CD109: variants seen among roughly 807,000 people sequenced by gnomAD.
CD109 encodes CD109 molecule.
In CD109, 149 loss-of-function variants were observed where a neutral mutation model predicts 165.8. The observed-to-expected ratio is 0.90, with a 90% CI of 0.79 to 1.03. CD109 has a LOEUF of 1.03. Ranked by LOEUF, CD109 falls within the 50% of genes least tolerant of loss-of-function variation. The pLI, the probability that CD109 is intolerant of heterozygous loss-of-function variation, is 0.00. For missense variants in CD109, 1,712 were observed against 1,677.8 expected, an observed-to-expected ratio of 1.02 and a Z score of -0.36; for synonymous variants, 585 against 592.1, an observed-to-expected ratio of 0.99 and a Z score of 0.18.
intron 2 of CD109, among the ~76,000 whole-genome samples, chr6:73,716,587 G>A (rs1303479357): frequency 6.6e-6 from 1 of 152,148 alleles, no homozygotes; most frequent in Non-Finnish European, 1.5e-5. Flanking sequence ...CTTCTTTCGA[G>A]AAATGTCTAT....
At chr6:73,740,465 G>A (rs1045882344) in intron 5 of CD109, among the ~76,000 whole-genome samples, 6 of 152,090 alleles carry the variant, frequency 3.9e-5, no homozygotes, top group South Asian at 2.1e-4. Context: ...TTATGATACC[G>A]TGTTAACCTT....
chr6:73,780,334 A>G, intron 15 of CD109, 90 bp from the exon 16 acceptor site: 4 of 812,582 alleles, frequency 4.9e-6, no homozygotes, highest in Non-Finnish European at 8.6e-6. Flanking sequence ...GTTGATAAAC[A>G]TGAAGGCTAA....
intron 4 of CD109, among the ~76,000 whole-genome samples, chr6:73,734,596 G>A (rs949455726): frequency 3.3e-5 from 5 of 152,234 alleles, no homozygotes; most frequent in African/African-American, 1.2e-4. Flanking sequence ...TGGCCCAGGA[G>A]TTTACCAAGG....
At position 73,762,467 on chromosome 6, in the gene CD109, C is replaced by T. The variant is rs774012615; in HGVS notation, c.842C>T (p.Thr281Ile). 6 of 1,599,552 alleles carry T rather than the reference C, an allele frequency of 3.8e-6. No homozygotes were observed. The highest frequency in any genetic ancestry group is 4.3e-6 in the Non-Finnish European group (5 of 1,167,642). ...TTTTGGGGAAAGAAGAAAAATATTA[C>T]AAAAACATTTAAGGTAACTTTTGCA... The part of the protein sequence containing the change: ...LSFWGKKKNI[T>I]KTFKINGSAN... The change falls in exon 8 of 33, where the codon ACA (threonine) becomes ATA (isoleucine). Residue 281 changes from threonine to isoleucine, a missense_variant. Physicochemically the swap from Thr to Ile is moderately conservative, Grantham distance 89 (BLOSUM62 -1). Coordinates refer to ENST00000287097, the MANE Select transcript of CD109 (RefSeq NM_133493.5).
chr6:73,801,422 A>G (rs1311676657), intron 23 of CD109, among the ~76,000 whole-genome samples: 1 of 152,264 alleles, frequency 6.6e-6, no homozygotes, highest in Non-Finnish European at 1.5e-5. Flanking sequence ...AATTAGAAAC[A>G]TAAAGGTATA....
Position 73,735,403 on chromosome 6 carries a change from T to C in CD109, c.508-980T>C, listed in dbSNP as rs1298494977. Among the ~76,000 whole-genome samples, 6 of 152,276 alleles carry C rather than the reference T, an allele frequency of 3.9e-5. No individual in the cohort carries two copies. The South Asian group carries it at 6.2e-4, about 16-fold the overall frequency. On this transcript the variant is annotated intron_variant, in intron 4 of 32. Transcript: ENST00000287097. Reference sequence around the variant, plus strand: ...ACTGTTGGCAGTGGGGAAGATGTATTGTAGAGGGCAAGACTAGAGGGGGAA... The same window carrying C: ...ACTGTTGGCAGTGGGGAAGATGTATCGTAGAGGGCAAGACTAGAGGGGGAA...
chr6:73,802,416 C>T (rs1775401191), intron 23 of CD109, among the ~76,000 whole-genome samples: 1 of 148,474 alleles, frequency 6.7e-6, no homozygotes, highest in Admixed American at 6.7e-5. Context: ...TAAGAGCCAC[C>T]GTTTTAGATT....
In CD109 at chr6:73,791,160, T is replaced by TACAC. The variant is rs1275595339; in HGVS notation, c.2702-1465_2702-1464insCACA. Among the ~76,000 whole-genome samples, 29 of 33,408 alleles carry TACAC rather than the reference T, an allele frequency of 8.7e-4. 1 individual carries two copies. The highest frequency in any genetic ancestry group is 3.5e-3 in the African/African-American group (29 of 8,246). The allele number at this position is 33,408 out of a possible 152,430, so 21.9% of individuals were successfully genotyped here. ...ACATATATATATATATATATATATA[T>TACAC]ATATATATATATATATACACACACA... is the stretch of plus-strand genomic sequence containing the variant. On this transcript the variant is annotated intron_variant, in intron 22 of 32. Transcript: ENST00000287097.
In CD109 at chr6:73,717,841, G is replaced by A. The variant is rs546059864; in HGVS notation, c.248-5410G>A. ...TCACCGTGTTAACCAGGACGGTCTC[G>A]ATCTCCTGACCTCGTGATCCGCCCA... On this transcript the variant is annotated intron_variant, in intron 2 of 32. Coordinates refer to ENST00000287097, the MANE Select transcript of CD109 (RefSeq NM_133493.5). 1.5e-4 allele frequency among the ~76,000 whole-genome samples: 23 copies of A among 151,534 alleles called. 1 individual carries two copies. The South Asian group carries it at 4.4e-3, about 29-fold the overall frequency.
intron 6 of CD109, 137 bp downstream of exon 6, chr6:73,756,819 A>C: frequency 1.9e-6 from 1 of 526,912 alleles, no homozygotes; most frequent in Non-Finnish European, 3.2e-6. Context: ...TTAAAGGCCT[A>C]ACCATATTTT....
chr6:73,763,995 A>T (rs1347576146), intron 10 of CD109, among the ~76,000 whole-genome samples: 1 of 152,214 alleles, frequency 6.6e-6, no homozygotes, highest in Non-Finnish European at 1.5e-5. Context: ...TGGTAGTCAA[A>T]AATTTCAATT....
chr6:73,791,186 C>CAT lies in CD109; in HGVS notation c.2702-1439_2702-1438insTA, dbSNP rs1236914922. Among the ~76,000 whole-genome samples, 131 of 18,382 alleles carry CAT rather than the reference C, an allele frequency of 7.1e-3. 8 individuals carry two copies. Among genetic ancestry groups the CAT allele is most frequent in the East Asian group, 0.01 (5 of 480 alleles). 12.1% of individuals were successfully genotyped at this position (18,382 alleles called of 152,430 possible). A position where few individuals can be genotyped will look rare whatever the true frequency, so the allele number is the denominator to read the frequency against. ...ATATATATATATATATACACACACA[C>CAT]ACATACATATATATATATATATATA... On this transcript the variant is annotated intron_variant, in intron 22 of 32. Coordinates refer to ENST00000287097, the MANE Select transcript of CD109 (RefSeq NM_133493.5).
chr6:73,765,092 A>G (rs1773785778), intron 10 of CD109, among the ~76,000 whole-genome samples: 1 of 152,100 alleles, frequency 6.6e-6, no homozygotes, highest in Non-Finnish European at 1.5e-5. Flanking sequence ...TGTTTTTTAA[A>G]AGATTAGTTG....
rs1776314553 is a variant in CD109, at chr6:73,827,540, A to G, written c.*3907A>G. On this transcript the variant is annotated 3_prime_UTR_variant, in exon 33 of 33. Coordinates refer to ENST00000287097, the MANE Select transcript of CD109 (RefSeq NM_133493.5). Reference sequence around the variant, plus strand: ...AATTTGAGGTGCAATTATTTTTATTACTACTTTGAATAGAGGACCATTATC... The same window carrying G: ...AATTTGAGGTGCAATTATTTTTATTGCTACTTTGAATAGAGGACCATTATC... 1.3e-5 allele frequency: 2 copies of G among 152,128 alleles called. No individual in the cohort carries two copies. Among genetic ancestry groups the G allele is most frequent in the African/African-American group, 4.8e-5 (2 of 41,428 alleles). The allele number at this position is 152,128 out of a possible 1,614,324, so 9.4% of individuals were successfully genotyped here.
intron 30 of CD109, 134 bp from the exon 31 acceptor site, chr6:73,818,254 A>G: frequency 6.0e-6 from 5 of 837,958 alleles, no homozygotes; most frequent in Admixed American, 2.8e-5. Context: ...AAAATTCTCT[A>G]TAGGGAATTT....
chr6:73,780,305 A>T, intron 15 of CD109, 119 bp from the exon 16 acceptor site: 1 of 745,208 alleles, frequency 1.3e-6, no homozygotes, highest in South Asian at 1.5e-5. Context: ...ATTACTCCTC[A>T]ATTTGTGTCA....
intron 23 of CD109, among the ~76,000 whole-genome samples, chr6:73,801,980 T>C (rs897018970): frequency 1.3e-5 from 2 of 152,194 alleles, no homozygotes; most frequent in African/African-American, 4.8e-5. Context: ...TAGTGATAAG[T>C]TATTGCTATC....
chr6:73,698,127 A>G (rs935230571), intron 2 of CD109, among the ~76,000 whole-genome samples: 2 of 152,252 alleles, frequency 1.3e-5, no homozygotes, highest in Admixed American at 6.5e-5. Flanking sequence ...AACAAGAGAA[A>G]AAAAGAAAAT....
chr6:73,697,404 C>G lies in CD109; in HGVS notation c.79C>G (p.Arg27Gly). Reference sequence around the variant, plus strand: ...CCCTTGTTGGGAACTCTTTAGGCCTCGGTTTCTGGTGACAGCCCCAGGGAT... The same window carrying G: ...CCCTTGTTGGGAACTCTTTAGGCCTGGGTTTCTGGTGACAGCCCCAGGGAT... ...TAALAVAPGP[R>G]FLVTAPGIIR... Residue 27 changes from arginine to glycine, a missense_variant, in exon 2 of 33, where the codon CGG becomes GGG. Physicochemically the swap from Arg to Gly is moderately radical, Grantham distance 125. Coordinates refer to ENST00000287097, the MANE Select transcript of CD109 (RefSeq NM_133493.5). 6.2e-7 allele frequency: 1 copy of G among 1,613,702 alleles called. No homozygotes were observed. Among genetic ancestry groups the G allele is most frequent in the Non-Finnish European group, 8.5e-7 (1 of 1,179,898 alleles).
Sources: gnomAD v4.1 joint callset for allele counts (sites outside exome capture counted in the v4.1 genomes callset) on GRCh38, gnomAD v4.1.1 for gene constraint, MANE v1.5 for transcripts, NCBI Gene and HGNC (gene_info 2026-07-23, HGNC 2026-07-21) for gene names.